The following ARHGEF3 variants were observed in gnomAD, a reference collection of about 807,000 sequenced individuals.
The protein encoded by ARHGEF3 is Rho guanine nucleotide exchange factor 3, also known as 59.8 kDA protein.
Under a neutral mutation model 63.2 loss-of-function variants are expected in ARHGEF3, and 28 were observed. That is an observed-to-expected ratio of 0.44 (90% confidence interval 0.33 to 0.61). The LOEUF (loss-of-function observed/expected upper bound fraction) is 0.61. ARHGEF3 is among the 20% of genes least tolerant of loss of function. ARHGEF3 has a pLI of 0.03. For synonymous variants in ARHGEF3, 266 were observed against 254.2 expected, an observed-to-expected ratio of 1.05 and a Z score of -0.44; for missense variants, 533 against 659.3, an observed-to-expected ratio of 0.81 and a Z score of 2.10.
chr3:56,729,352 C>T lies in ARHGEF3; in HGVS notation c.1499G>A (p.Ser500Asn). 1 of 1,614,152 alleles carries T rather than the reference C, an allele frequency of 6.2e-7. No individual in the cohort carries two copies. The highest frequency in any genetic ancestry group is 8.5e-7 in the Non-Finnish European group (1 of 1,180,030). The change falls in exon 10 of 10, where the codon AGT (serine) becomes AAT (asparagine). Residue 500 changes from serine (S) to asparagine (N), a missense_variant. Physicochemically the swap from Ser to Asn is conservative, Grantham distance 46 (BLOSUM62 1). Transcript: ENST00000296315. ...GCGCTCACAGTCGAGGCTGACCTCA[C>T]TCGTGTCCATACTACAGTCTGACTC... is the stretch of plus-strand genomic sequence containing the variant. The part of the protein sequence containing the change: ...DSESDCSMDT[S>N]EVSLDCERME...
chr3:56,967,580 C>T lies in ARHGEF3; in HGVS notation c.63-8691G>A, dbSNP rs1464007916. Among the ~76,000 whole-genome samples, 18 of 81,800 alleles carry T rather than the reference C, an allele frequency of 2.2e-4. No homozygotes were observed. In the Admixed American group the frequency reaches 3.4e-3, roughly 16 times the overall value. The allele number at this position is 81,800 out of a possible 152,430, so 53.7% of individuals were successfully genotyped here. A position where few individuals can be genotyped will look rare whatever the true frequency, so the allele number is the denominator to read the frequency against. ...TATATAATATATAATATATATTATA[C>T]ATAATATATTTAATTATATATTATA... is the stretch of plus-strand genomic sequence containing the variant. On this transcript the variant is annotated intron_variant, in intron 2 of 12. Coordinates refer to the ARHGEF3 transcript ENST00000338458.
intron 1 of ARHGEF3, chr3:56,775,811 C>CAT: frequency 3.1e-6 from 1 of 321,298 alleles, no homozygotes. Flanking sequence ...CACACACACA[C>CAT]ACACACACAC....
chr3:56,736,323 G>A (rs1326185815), intron 8 of ARHGEF3, among the ~76,000 whole-genome samples: 1 of 152,154 alleles, frequency 6.6e-6, no homozygotes, highest in African/African-American at 2.4e-5. Flanking sequence ...TGCTCCAAGG[G>A]AGATATACAC....
chr3:56,807,866 G>A (rs1454384050), intron 4 of ARHGEF3, among the ~76,000 whole-genome samples: 1 of 152,232 alleles, frequency 6.6e-6, no homozygotes, highest in African/African-American at 2.4e-5. Flanking sequence ...GCTCATGCCT[G>A]TAATCCCAGC....
At chr3:56,865,747 TG>T (rs1394990374) in intron 4 of ARHGEF3, among the ~76,000 whole-genome samples, 1 of 152,086 alleles carries the variant, frequency 6.6e-6, no homozygotes, top group Non-Finnish European at 1.5e-5. Flanking sequence ...GTGGGGCTCT[TG>T]GGAAGTGTGT....
chr3:56,997,568 C>G (rs917393740), intron 2 of ARHGEF3, among the ~76,000 whole-genome samples: 1 of 151,920 alleles, frequency 6.6e-6, no homozygotes, highest in African/African-American at 2.4e-5. Context: ...TCTCCATAAA[C>G]AGGGCTGACT....
chr3:56,819,516 T>G (rs1647253452), intron 4 of ARHGEF3, among the ~76,000 whole-genome samples: 1 of 151,744 alleles, frequency 6.6e-6, no homozygotes, highest in East Asian at 1.9e-4. Flanking sequence ...TGGCAGTTTT[T>G]TTTTTTTTTT....
At chr3:56,814,228 A>T (rs1249065592) in intron 4 of ARHGEF3, among the ~76,000 whole-genome samples, 2 of 152,224 alleles carry the variant, frequency 1.3e-5, no homozygotes, top group East Asian at 3.8e-4. Context: ...GGCTGCATGC[A>T]TCCCAGGATG....
At chr3:57,002,498 T>TATA (rs747886010) in intron 2 of ARHGEF3, among the ~76,000 whole-genome samples, 9 of 13,502 alleles carry the variant, frequency 6.7e-4, no homozygotes, top group African/African-American at 1.9e-3. Flanking sequence ...TATATATATG[T>TATA]TATATATATA....
chr3:56,992,408 A>C (rs941735636), intron 2 of ARHGEF3, among the ~76,000 whole-genome samples: 9 of 118,930 alleles, frequency 7.6e-5, no homozygotes, highest in Non-Finnish European at 1.1e-4. Flanking sequence ...AAAAAAAAAA[A>C]AAAAAACAGA....
At chr3:57,008,858 T>C (rs942715695) in intron 2 of ARHGEF3, among the ~76,000 whole-genome samples, 2 of 152,208 alleles carry the variant, frequency 1.3e-5, no homozygotes, top group East Asian at 1.9e-4. Context: ...TGCAAGCTGG[T>C]GGATTTTCAA....
At chr3:57,003,425 A>AAAAT (rs1181104320) in intron 2 of ARHGEF3, among the ~76,000 whole-genome samples, 1 of 151,080 alleles carries the variant, frequency 6.6e-6, no homozygotes, top group Non-Finnish European at 1.5e-5. Context: ...AAAAAAAAAA[A>AAAAT]AAGTTAAATA....
chr3:56,888,464 G>A (rs2040998015), intron 3 of ARHGEF3, among the ~76,000 whole-genome samples: 1 of 152,176 alleles, frequency 6.6e-6, no homozygotes, highest in Admixed American at 6.5e-5. Context: ...GGGGTGGGGA[G>A]AAAGGCAGTT....
intron 4 of ARHGEF3, among the ~76,000 whole-genome samples, chr3:56,816,485 C>T (rs962777033): frequency 3.3e-5 from 5 of 152,208 alleles, no homozygotes; most frequent in Admixed American, 6.5e-5. Context: ...GTTTCCCCTA[C>T]TAGATTGTAC....
At chr3:56,931,388 C>T (rs1362993527) in intron 3 of ARHGEF3, among the ~76,000 whole-genome samples, 1 of 151,816 alleles carries the variant, frequency 6.6e-6, no homozygotes, top group Admixed American at 6.6e-5. Flanking sequence ...CTGTCTTGGG[C>T]AACATGGCAA....
At chr3:57,076,049 A>G (rs1706205798) in intron 1 of ARHGEF3, among the ~76,000 whole-genome samples, 1 of 152,214 alleles carries the variant, frequency 6.6e-6, no homozygotes, top group South Asian at 2.1e-4. Flanking sequence ...GAATTAAAGA[A>G]TATTTGTACA....
intron 1 of ARHGEF3, among the ~76,000 whole-genome samples, chr3:56,795,977 T>TA (rs10707991): frequency 0.058 from 8,358 of 143,692 alleles, 484 homozygotes; most frequent in East Asian, 0.3. Context: ...GTCAACTAAT[T>TA]AAAAAAAAAA....
intron 2 of ARHGEF3, among the ~76,000 whole-genome samples, chr3:56,967,613 C>CATAATATATATTATATAATATATATTAT (rs1192676785): frequency 3.7e-4 from 31 of 84,550 alleles, no homozygotes; most frequent in Non-Finnish European, 4.6e-4. Flanking sequence ...ATATATGTTA[C>CATAATATATATTATATAATATATATTAT]ATAATATATA....
intron 1 of ARHGEF3, among the ~76,000 whole-genome samples, chr3:56,798,679 A>G (rs1413852851): frequency 6.6e-6 from 1 of 152,154 alleles, no homozygotes; most frequent in African/African-American, 2.4e-5. Context: ...TGTTTAGCGC[A>G]GCTATGTAGA....
Sources: gnomAD v4.1 joint callset for allele counts (sites outside exome capture counted in the v4.1 genomes callset) on GRCh38, gnomAD v4.1.1 for gene constraint, MANE v1.5 for transcripts, NCBI Gene and HGNC (gene_info 2026-07-23, HGNC 2026-07-21) for gene names.